HMGCS1: variants seen among roughly 807,000 people sequenced by gnomAD.
HMGCS1 encodes the protein hydroxymethylglutaryl-CoA synthase, cytoplasmic.
A neutral mutation model predicts 52.3 loss-of-function variants in HMGCS1; 9 were observed. The ratio of observed to expected loss-of-function variants is 0.17; its 90% confidence interval spans 0.10 to 0.30. The LOEUF (loss-of-function observed/expected upper bound fraction) is 0.30, where lower values mean the gene tolerates loss of function less well. Ranked by LOEUF, HMGCS1 falls within the 10% of genes least tolerant of loss-of-function variation. HMGCS1 has a pLI of 1.00. For missense variants in HMGCS1, 320 were observed against 620.9 expected (o/e 0.52, Z 5.15); for synonymous variants, 176 against 214.4 (o/e 0.82, Z 1.57).
intron 2 of HMGCS1, among the ~76,000 whole-genome samples, chr5:43,302,428 C>T (rs1754365396): frequency 6.6e-6 from 1 of 152,242 alleles, no homozygotes; most frequent in Non-Finnish European, 1.5e-5. Context: ...ACATAGGTCA[C>T]ATTTTACCCA....
Position 43,288,532 on chromosome 5 carries a change from G to A in HMGCS1, c.*2599C>T, listed in dbSNP as rs937820977. The A allele has an allele frequency of 2.0e-5, 3 of 152,068 alleles. No individual in the cohort carries two copies. Among genetic ancestry groups the A allele is most frequent in the Non-Finnish European group, 4.4e-5 (3 of 68,026 alleles). The allele number at this position is 152,068 out of a possible 1,614,324, so 9.4% of individuals were successfully genotyped here. ...AGAAAGTGGCTGTTTGCATCTGTTT[G>A]GGTCTAGTGTCAACCTCAAAGTTAC... On this transcript the variant is annotated 3_prime_UTR_variant, in exon 11 of 11. Coordinates refer to ENST00000325110, the MANE Select transcript of HMGCS1 (RefSeq NM_001098272.3).
At chr5:43,306,048 G>A (rs1212341758) in intron 2 of HMGCS1, among the ~76,000 whole-genome samples, 1 of 152,066 alleles carries the variant, frequency 6.6e-6, no homozygotes, top group Non-Finnish European at 1.5e-5. Flanking sequence ...GCAACTTTCA[G>A]AGAACTTTGT....
At chr5:43,308,175 A>G (rs531514448) in intron 1 of HMGCS1, among the ~76,000 whole-genome samples, 2 of 152,380 alleles carry the variant, frequency 1.3e-5, no homozygotes, top group East Asian at 3.8e-4. Context: ...AAAGGAATAT[A>G]AACAAGTTGT....
Position 43,294,673 on chromosome 5 carries a change from G to C in HMGCS1, c.1076+18C>G. ...CCCAAATAAGGGGAGTTAAGTAGTA[G>C]GTGAAATTTATACTTACTGTGCTAG... On this transcript the variant is annotated intron_variant, in intron 7 of 10. Coordinates refer to ENST00000325110, the MANE Select transcript of HMGCS1 (RefSeq NM_001098272.3). 6.5e-7 allele frequency: 1 copy of C among 1,540,944 alleles called. No homozygotes were observed. The highest frequency in any genetic ancestry group is 8.8e-7 in the Non-Finnish European group (1 of 1,134,302).
chr5:43,298,445 A>G lies in HMGCS1; in HGVS notation c.448+73T>C, dbSNP rs1469413492. The G allele has an allele frequency of 7.4e-6, 8 of 1,079,138 alleles. No individual in the cohort carries two copies. Among genetic ancestry groups the G allele is most frequent in the Non-Finnish European group, 1.1e-5 (8 of 731,480 alleles). The allele number at this position is 1,079,138 out of a possible 1,614,324, so 66.8% of individuals were successfully genotyped here. On this transcript the variant is annotated intron_variant, in intron 3 of 10. Coordinates refer to ENST00000325110, the MANE Select transcript of HMGCS1 (RefSeq NM_001098272.3). The surrounding 1 kb of genome is among the most constrained non-coding windows in gnomAD (Gnocchi z 5.6). ...CAAAAGTTTGCGTATTGCATTAATT[A>G]AAGTGTCATCTGGGTCTATTGAACC...
chr5:43,301,886 C>T (rs1282112500), intron 2 of HMGCS1, among the ~76,000 whole-genome samples: 1 of 152,232 alleles, frequency 6.6e-6, no homozygotes, highest in Non-Finnish European at 1.5e-5. Context: ...TTTCCATCCT[C>T]AAGTGTTTTA....
Position 43,291,085 on chromosome 5 carries a change from A to AACCCCCCCCCCC in HMGCS1, c.*45_*46insGGGGGGGGGGGT. 1 of 514,248 alleles carries AACCCCCCCCCCC rather than the reference A, an allele frequency of 1.9e-6. No individual in the cohort carries two copies. The allele number at this position is 514,248 out of a possible 1,614,324, so 31.9% of individuals were successfully genotyped here. A position where few individuals can be genotyped will look rare whatever the true frequency, so the allele number is the denominator to read the frequency against. ...TTCCTCCAACTGTTCCCATACCCCC[A>AACCCCCCCCCCC]CCCCATGCCCACCCCACCCTGAAGT... is the stretch of plus-strand genomic sequence containing the variant. On this transcript the variant is annotated 3_prime_UTR_variant, in exon 11 of 11. Coordinates refer to ENST00000325110, the MANE Select transcript of HMGCS1 (RefSeq NM_001098272.3).
At chr5:43,300,870 C>CT (rs533615475) in intron 2 of HMGCS1, among the ~76,000 whole-genome samples, 15 of 147,266 alleles carry the variant, frequency 1.0e-4, no homozygotes, top group South Asian at 6.5e-4. Context: ...ACAGAAGAAT[C>CT]TTTTTTTTTT....
In HMGCS1 at chr5:43,294,560, A is replaced by G. The variant is rs149949711; in HGVS notation, c.1076+131T>C. On this transcript the variant is annotated intron_variant, in intron 7 of 10. Transcript: ENST00000325110. ...TACATCTTTCAAGTCAATGGACAAT[A>G]GCAGATTAGAGAGCCTCAAGATAAA... 51 of 591,840 alleles carry G rather than the reference A, an allele frequency of 8.6e-5. No homozygotes were observed. The African/African-American group carries it at 9.4e-4, about 11-fold the overall frequency. The allele number at this position is 591,840 out of a possible 1,614,324, so 36.7% of individuals were successfully genotyped here.
intron 2 of HMGCS1, 124 bp from the exon 3 acceptor site, chr5:43,299,099 T>G (rs1252334177): frequency 3.0e-6 from 2 of 671,136 alleles, no homozygotes; most frequent in African/African-American, 1.8e-5. Context: ...TCTTTAAGTT[T>G]AGTATTTAGG....
rs562228805 is a variant in HMGCS1 at position 43,298,434 on chromosome 5, T to A, written c.448+84A>T. ...AGGACAAATTACAAAAGTTTGCGTATTGCATTAATTAAAGTGTCATCTGGG... is the reference window on the plus strand; with the variant it reads ...AGGACAAATTACAAAAGTTTGCGTAATGCATTAATTAAAGTGTCATCTGGG... On this transcript the variant is annotated intron_variant, in intron 3 of 10. Coordinates refer to ENST00000325110, the MANE Select transcript of HMGCS1 (RefSeq NM_001098272.3). This position sits in a 1 kb window ranked among gnomAD's most constrained non-coding sequence, Gnocchi z 5.6. 36 of 958,362 alleles carry A rather than the reference T, an allele frequency of 3.8e-5. No individual in the cohort carries two copies. In the South Asian group the frequency reaches 5.7e-4, roughly 15 times the overall value. The allele number at this position is 958,362 out of a possible 1,614,324, so 59.4% of individuals were successfully genotyped here.
chr5:43,292,695 T>TA (rs1317500916), intron 9 of HMGCS1, 58 bp from the exon 10 acceptor site: 1 of 1,540,456 alleles, frequency 6.5e-7, no homozygotes, highest in Non-Finnish European at 8.9e-7. Context: ...CATCTGGTAA[T>TA]AAAGCTAAAG....
chr5:43,298,092 G>A lies in HMGCS1; in HGVS notation c.491C>T (p.Ala164Val). Reference sequence around the variant, plus strand: ...ACCTGTAGGTCTAGCATTTCCTGTGGCATATACAGCAATATCTCCTGCAAC... The same window carrying A: ...ACCTGTAGGTCTAGCATTTCCTGTGACATATACAGCAATATCTCCTGCAAC... ...LVVAGDIAVY[A>V]TGNARPTGGV... is the part of the protein sequence containing the mutation. Residue 164 changes from alanine to valine, a missense_variant, in exon 4 of 11, where the codon GCC (alanine) becomes GTC (valine). Physicochemically the swap from Ala to Val is moderately conservative, Grantham distance 64 (BLOSUM62 0). Transcript: ENST00000325110. The surrounding 1 kb of genome is among the most constrained non-coding windows in gnomAD (Gnocchi z 5.6). 2 of 1,613,012 alleles carry A rather than the reference G, an allele frequency of 1.2e-6. No homozygotes were observed. Among genetic ancestry groups the A allele is most frequent in the Non-Finnish European group, 1.7e-6 (2 of 1,179,184 alleles).
At chr5:43,294,620 T>G (rs183459610) in intron 7 of HMGCS1, 71 bp downstream of exon 7, 1 of 1,156,108 alleles carries the variant, frequency 8.6e-7, no homozygotes, top group African/African-American at 1.6e-5. Context: ...TGCTTGACAC[T>G]AGATTTGGTC....
At chr5:43,299,485 T>C (rs1754199744) in intron 2 of HMGCS1, among the ~76,000 whole-genome samples, 2 of 150,144 alleles carry the variant, frequency 1.3e-5, no homozygotes, top group Non-Finnish European at 1.5e-5. Context: ...CCGTCTCTAC[T>C]AAAAATACAA....
chr5:43,294,852 T>G lies in HMGCS1; in HGVS notation c.915A>C (p.Lys305Asn). The G allele has an allele frequency of 6.2e-7, 1 of 1,601,730 alleles. No homozygotes were observed. The highest frequency in any genetic ancestry group is 8.5e-7 in the Non-Finnish European group (1 of 1,172,392). Residue 305 changes from lysine to asparagine, a missense_variant, in exon 7 of 11, where the codon AAA (lysine) becomes AAC (asparagine). Transcript: ENST00000325110. ...CTCTATCAAAGTAGGTGTCTTCTAA[T>G]TTAACATCCCTGAAAGATTTATTTT... ...YSGLEAFGDV[K>N]LEDTYFDRDV...
intron 2 of HMGCS1, among the ~76,000 whole-genome samples, chr5:43,305,512 G>A (rs1439713440): frequency 4.0e-5 from 6 of 151,786 alleles, no homozygotes; most frequent in African/African-American, 7.3e-5. Flanking sequence ...GCTCACACCT[G>A]TAATCCCAGC....
chr5:43,304,905 A>T (rs1243718105), intron 2 of HMGCS1, among the ~76,000 whole-genome samples: 2 of 152,244 alleles, frequency 1.3e-5, no homozygotes, highest in Admixed American at 1.3e-4. Flanking sequence ...AGAGTGATTA[A>T]GTTGACAGGA....
rs1407421266 is a variant in HMGCS1, at chr5:43,295,967, T to C, written c.740-50A>G. 4.2e-6 allele frequency: 6 copies of C among 1,444,100 alleles called. No individual in the cohort carries two copies. In the African/African-American group the frequency reaches 8.5e-5, roughly 20 times the overall value. The allele number at this position is 1,444,100 out of a possible 1,614,324, so 89.5% of individuals were successfully genotyped here. ...ATGAAATTCATATAAGCCATGAAAT[T>C]TTAAAGTTTGACTTTAGAATAAAGC... On this transcript the variant is annotated intron_variant, in intron 5 of 10. Transcript: ENST00000325110.
Sources: allele counts gnomAD v4.1 joint callset (sites outside exome capture counted in the v4.1 genomes callset), GRCh38; gene constraint gnomAD v4.1.1; non-coding constraint Gnocchi (gnomAD v3.1); transcripts MANE v1.5; gene names NCBI Gene and HGNC (gene_info 2026-07-23, HGNC 2026-07-21).